The following NTRK2 variants were observed in gnomAD, a reference collection of about 807,000 sequenced individuals.
NTRK2 encodes the protein neurotrophic receptor tyrosine kinase 2.
NTRK2 carries 13 observed loss-of-function variants against 94.5 expected under a neutral mutation model. The observed-to-expected ratio is 0.14, with a 90% CI of 0.09 to 0.22. The LOEUF is 0.22. Ranked by LOEUF, NTRK2 falls within the 10% of genes least tolerant of loss-of-function variation. The probability of loss-of-function intolerance (pLI) is 1.00; values close to 1 mark genes in which losing one functional copy is unlikely to be tolerated. For missense variants in NTRK2, 639 were observed against 1,071.2 expected, an observed-to-expected ratio of 0.60 and a Z score of 5.63; for synonymous variants, 372 against 407.4, an observed-to-expected ratio of 0.91 and a Z score of 1.05.
intron 2 of NTRK2, among the ~76,000 whole-genome samples, chr9:84,672,379 G>A (rs372096653): frequency 1.4e-4 from 21 of 152,294 alleles, no homozygotes; most frequent in Middle Eastern, 6.8e-3. Flanking sequence ...AGCCAAGAGC[G>A]GAGAGCAAGG....
intron 14 of NTRK2, among the ~76,000 whole-genome samples, chr9:84,917,806 A>G (rs1442193116): frequency 6.6e-6 from 1 of 152,208 alleles, no homozygotes; most frequent in Non-Finnish European, 1.5e-5. Flanking sequence ...CAATGAGCCA[A>G]CAAAACAGTC....
At chr9:84,902,262 T>C (rs1396526056) in intron 14 of NTRK2, among the ~76,000 whole-genome samples, 1 of 152,050 alleles carries the variant, frequency 6.6e-6, no homozygotes, top group Non-Finnish European at 1.5e-5. Context: ...TTTTCCACTT[T>C]AGGGATCTTT....
At chr9:85,013,779 G>A (rs1190350415) in intron 17 of NTRK2, among the ~76,000 whole-genome samples, 1 of 152,212 alleles carries the variant, frequency 6.6e-6, no homozygotes, top group African/African-American at 2.4e-5. Flanking sequence ...GCCTCTGACA[G>A]CTAATCATCT....
intron 10 of NTRK2, among the ~76,000 whole-genome samples, chr9:84,742,277 A>G (rs965530527): frequency 1.3e-5 from 2 of 152,230 alleles, no homozygotes; most frequent in African/African-American, 4.8e-5. Context: ...ATGACAGTAA[A>G]GCCAATTCAA....
chr9:84,804,879 G>A (rs1289343832), intron 12 of NTRK2, among the ~76,000 whole-genome samples: 2 of 152,258 alleles, frequency 1.3e-5, no homozygotes, highest in Admixed American at 6.5e-5. Flanking sequence ...ACACACCCCA[G>A]GAGAACAATA....
intron 14 of NTRK2, among the ~76,000 whole-genome samples, chr9:84,870,163 G>A (rs2075785615): frequency 1.6e-5 from 2 of 121,214 alleles, no homozygotes; most frequent in South Asian, 2.7e-4. Context: ...ACACATACAT[G>A]TACTGTATAT....
chr9:84,912,542 T>C (rs994539253), intron 14 of NTRK2, among the ~76,000 whole-genome samples: 1 of 151,726 alleles, frequency 6.6e-6, no homozygotes, highest in African/African-American at 2.4e-5. Flanking sequence ...CTGATATTAA[T>C]ATGGCCATCT....
chr9:84,867,218 A>T (rs1316669844), intron 13 of NTRK2, 25 bp from the exon 14 acceptor site: 2 of 1,609,890 alleles, frequency 1.2e-6, no homozygotes, highest in Non-Finnish European at 8.5e-7. Flanking sequence ...ATTACAGGAG[A>T]ATATATATAT....
chr9:84,788,304 A>G (rs1466168658), intron 12 of NTRK2, among the ~76,000 whole-genome samples: 1 of 152,222 alleles, frequency 6.6e-6, no homozygotes, highest in Non-Finnish European at 1.5e-5. Flanking sequence ...ACAAAAAAGT[A>G]TAAATTCAGT....
intron 4 of NTRK2, among the ~76,000 whole-genome samples, chr9:84,702,824 G>A (rs2060813949): frequency 6.6e-6 from 1 of 152,140 alleles, no homozygotes. Context: ...AAAAATTACT[G>A]GTGCTTTTCC....
chr9:85,002,704 C>A (rs1830460217), intron 17 of NTRK2, among the ~76,000 whole-genome samples: 1 of 152,078 alleles, frequency 6.6e-6, no homozygotes, highest in Non-Finnish European at 1.5e-5. Flanking sequence ...TCGATGGTTG[C>A]AGTATTATGT....
chr9:84,986,507 T>G (rs1828324819), intron 17 of NTRK2, among the ~76,000 whole-genome samples: 1 of 152,220 alleles, frequency 6.6e-6, no homozygotes, highest in South Asian at 2.1e-4. Flanking sequence ...CTCTTGCCTG[T>G]CACTCACCTC....
intron 17 of NTRK2, among the ~76,000 whole-genome samples, chr9:85,004,077 GAA>G (rs1830678336): frequency 4.4e-5 from 2 of 45,282 alleles, no homozygotes; most frequent in Non-Finnish European, 1.2e-4. Context: ...AGAGAGAGAG[GAA>G]GAGGGAGAGA....
chr9:84,897,594 G>A (rs1345569589), intron 14 of NTRK2, among the ~76,000 whole-genome samples: 1 of 152,174 alleles, frequency 6.6e-6, no homozygotes, highest in African/African-American at 2.4e-5. Context: ...TTGAGTGCTG[G>A]CACCTCTTGT....
chr9:84,945,161 T>G (rs1361645122), intron 15 of NTRK2, among the ~76,000 whole-genome samples: 4 of 152,242 alleles, frequency 2.6e-5, no homozygotes, highest in Admixed American at 2.6e-4. Context: ...TCACTTGGTT[T>G]CTTTTCCTGG....
At chr9:84,983,473 C>T (rs560042724) in intron 17 of NTRK2, among the ~76,000 whole-genome samples, 1 of 152,176 alleles carries the variant, frequency 6.6e-6, no homozygotes, top group East Asian at 1.9e-4. Context: ...TGTCTTTGAA[C>T]CCTTGGGCTG....
chr9:84,699,909 GA>G (rs1355617066), intron 2 of NTRK2, among the ~76,000 whole-genome samples: 3 of 152,020 alleles, frequency 2.0e-5, no homozygotes, highest in African/African-American at 7.2e-5. Context: ...AATGTCTGAT[GA>G]AAAATGAAAA....
At chr9:84,974,987 C>T (rs1221807924) in intron 17 of NTRK2, among the ~76,000 whole-genome samples, 1 of 152,186 alleles carries the variant, frequency 6.6e-6, no homozygotes, top group African/African-American at 2.4e-5. Flanking sequence ...TGAGCCCTGT[C>T]CTGGTGCCGC....
At chr9:84,687,870 G>A (rs954364351) in intron 2 of NTRK2, among the ~76,000 whole-genome samples, 7 of 152,010 alleles carry the variant, frequency 4.6e-5, no homozygotes, top group Non-Finnish European at 7.4e-5. Context: ...CACAAACAGA[G>A]CCCCCAGTCA....
Sources: allele counts gnomAD v4.1 joint callset (sites outside exome capture counted in the v4.1 genomes callset), GRCh38; gene constraint gnomAD v4.1.1; transcripts MANE v1.5; gene names NCBI Gene and HGNC (gene_info 2026-07-23, HGNC 2026-07-21).